Variants in DMD observed in about 807,000 individuals in gnomAD.
The protein encoded by DMD is mutant dystrophin.
In DMD, 63 loss-of-function variants were observed where a neutral mutation model predicts 330.1. That is an observed-to-expected ratio of 0.19 (90% CI 0.16 to 0.24). The LOEUF (loss-of-function observed/expected upper bound fraction) is 0.24. Among genes scored for constraint, DMD ranks in the 10% least tolerant of loss-of-function variants. DMD has a pLI of 1.00. For missense variants in DMD, 3,344 were observed against 2,684.1 expected, an observed-to-expected ratio of 1.25 and a Z score of -5.43; for synonymous variants, 1,223 against 959.8, an observed-to-expected ratio of 1.27 and a Z score of -5.07.
chrX:32,668,576 C>T (rs906965018), intron 9 of DMD, among the ~76,000 whole-genome samples: 4 of 111,791 alleles, frequency 3.6e-5, no homozygotes, highest in Non-Finnish European at 5.6e-5. Context: ...TCCTACTGAT[C>T]AGCAGGTTAT....
intron 1 of DMD, among the ~76,000 whole-genome samples, chrX:33,147,012 C>A (rs1006250662): frequency 1.8e-5 from 2 of 109,809 alleles, no homozygotes; most frequent in Non-Finnish European, 3.8e-5. Context: ...TTAGTAGAGA[C>A]GGGGTTTCAC....
At chrX:32,768,123 G>A (rs963181615) in intron 7 of DMD, among the ~76,000 whole-genome samples, 1 of 111,740 alleles carries the variant, frequency 8.9e-6, no homozygotes, top group African/African-American at 3.3e-5. Flanking sequence ...AGTAGAATAT[G>A]ACAGTTTATT....
intron 9 of DMD, among the ~76,000 whole-genome samples, chrX:32,678,437 T>A (rs1266451150): frequency 9.0e-6 from 1 of 111,537 alleles, no homozygotes; most frequent in Non-Finnish European, 1.9e-5. Flanking sequence ...ACACATTTAG[T>A]AAGTAGCAGA....
At chrX:31,794,616 T>C (rs192993537) in intron 50 of DMD, among the ~76,000 whole-genome samples, 1 of 111,998 alleles carries the variant, frequency 8.9e-6, no homozygotes, top group Admixed American at 9.5e-5. Context: ...AGATAATCTC[T>C]TTTTATTAGG....
At chrX:32,899,269 G>T (rs1264345500) in intron 2 of DMD, among the ~76,000 whole-genome samples, 1 of 111,639 alleles carries the variant, frequency 9.0e-6, no homozygotes, top group Non-Finnish European at 1.9e-5. Flanking sequence ...GGTCCTTGCA[G>T]GTATTTTAAT....
chrX:31,778,206 C>T (rs1352612452), intron 50 of DMD, among the ~76,000 whole-genome samples: 1 of 112,079 alleles, frequency 8.9e-6, no homozygotes, highest in Non-Finnish European at 1.9e-5. Flanking sequence ...GGGTCCTAAA[C>T]ACTTTTTAGT....
At chrX:33,117,882 T>A (rs2095397075) in intron 1 of DMD, among the ~76,000 whole-genome samples, 1 of 111,014 alleles carries the variant, frequency 9.0e-6, no homozygotes, top group East Asian at 2.8e-4. Context: ...CATAAAAATA[T>A]CCTTTGTCTC....
intron 47 of DMD, among the ~76,000 whole-genome samples, chrX:31,876,688 C>CAAA (rs1165746413): frequency 1.2e-5 from 1 of 83,102 alleles, no homozygotes; most frequent in Non-Finnish European, 2.4e-5. Context: ...CCCATCTCTA[C>CAAA]AAAAAAAAAA....
Position 31,693,622 on chromosome X carries a change from T to A in DMD, c.7661-14036A>T, listed in dbSNP as rs572492149. On this transcript the variant is annotated intron_variant, in intron 52 of 78. Transcript: ENST00000357033. ...AAAAATCAGTAGCGATAACAATTGTTATTGTTTGTACAATAACAACAAACT... is the reference window on the plus strand; with the variant it reads ...AAAAATCAGTAGCGATAACAATTGTAATTGTTTGTACAATAACAACAAACT... Among the ~76,000 whole-genome samples the A allele has an allele frequency of 7.2e-5, 8 of 111,604 alleles. No individual in the cohort carries two copies. The South Asian group carries it at 3.0e-3, about 42-fold the overall frequency.
intron 44 of DMD, among the ~76,000 whole-genome samples, chrX:32,098,920 T>C (rs2096525751): frequency 8.9e-6 from 1 of 112,208 alleles, no homozygotes; most frequent in African/African-American, 3.2e-5. Context: ...TTTTAATCAT[T>C]GCTAATGATT....
At chrX:31,845,419 CTCTCT>C (rs1569474961) in intron 48 of DMD, among the ~76,000 whole-genome samples, 10 of 94,924 alleles carry the variant, frequency 1.1e-4, no homozygotes, top group African/African-American at 3.6e-4. Context: ...CTCTCTCTCT[CTCTCT>C]CCCTCTCCTC....
intron 7 of DMD, among the ~76,000 whole-genome samples, chrX:32,799,208 A>AT (rs1234314190): frequency 9.0e-6 from 1 of 111,362 alleles, no homozygotes; most frequent in African/African-American, 3.3e-5. Context: ...TGATGCAGGG[A>AT]TTAGCCAAGC....
At chrX:32,768,657 C>A (rs2073268666) in intron 7 of DMD, among the ~76,000 whole-genome samples, 1 of 111,741 alleles carries the variant, frequency 8.9e-6, no homozygotes, top group Non-Finnish European at 1.9e-5. Context: ...AAATTATAAT[C>A]CCACTGGGAC....
intron 63 of DMD, among the ~76,000 whole-genome samples, chrX:31,228,937 A>T (rs2046945279): frequency 8.9e-6 from 1 of 112,525 alleles, no homozygotes; most frequent in Non-Finnish European, 1.9e-5. Flanking sequence ...AACAAGGGCA[A>T]ACATCAAACC....
intron 52 of DMD, among the ~76,000 whole-genome samples, chrX:31,680,674 G>C (rs2082332442): frequency 9.0e-6 from 1 of 110,875 alleles, no homozygotes; most frequent in African/African-American, 3.3e-5. Flanking sequence ...CACCGCGCCT[G>C]GCCAACTTCT....
chrX:31,751,786 G>T (rs2088599228), intron 51 of DMD, among the ~76,000 whole-genome samples: 2 of 112,179 alleles, frequency 1.8e-5, no homozygotes, highest in African/African-American at 6.5e-5. Context: ...GCTGCCTGTG[G>T]CTGTTGTAAC....
intron 44 of DMD, among the ~76,000 whole-genome samples, chrX:32,123,216 TATATATATATATATATATATATATATAA>T (rs2096645529): frequency 1.2e-5 from 1 of 81,940 alleles, no homozygotes; most frequent in African/African-American, 4.7e-5. Flanking sequence ...TATATATATA[TATATATATATATATATATATATATATAA>T]ATGATCAAAA....
Position 31,943,878 on chromosome X carries a change from T to TGAGAGAGAGAGA in DMD, c.6615-11663_6615-11652dup, listed in dbSNP as rs536982335. 1.5e-3 allele frequency among the ~76,000 whole-genome samples: 109 copies of TGAGAGAGAGAGA among 74,478 alleles called. 7 individuals are homozygous for TGAGAGAGAGAGA. In the Middle Eastern group the frequency reaches 0.032, roughly 22 times the overall value. 64.7% of individuals were successfully genotyped at this position (74,478 alleles called of 115,157 possible). On this transcript the variant is annotated intron_variant, in intron 45 of 78. Transcript: ENST00000357033. The stretch of plus-strand genomic sequence containing the variant: ...CGGAAACCCGAAGTTCCCCAGAGAG[T>TGAGAGAGAGAGA]GAGAGAGAGAGAGAGAGAGAGAGAG...
intron 51 of DMD, among the ~76,000 whole-genome samples, chrX:31,762,982 G>C (rs1041063149): frequency 2.7e-5 from 3 of 111,981 alleles, no homozygotes; most frequent in African/African-American, 9.8e-5. Context: ...ATAAAATGTT[G>C]TCATATTCCA....
Sources: allele counts gnomAD v4.1 joint callset (sites outside exome capture counted in the v4.1 genomes callset), GRCh38; gene constraint gnomAD v4.1.1; transcripts MANE v1.5; gene names NCBI Gene and HGNC (gene_info 2026-07-23, HGNC 2026-07-21).